Variants in KANK2 observed in about 807,000 individuals in gnomAD.
KANK2 encodes the protein KN motif and ankyrin repeat domains 2.
KANK2 carries 41 observed loss-of-function variants against 74.6 expected under a neutral mutation model. The ratio of observed to expected loss-of-function variants is 0.55; its 90% CI spans 0.43 to 0.71. The LOEUF is 0.71. KANK2 is among the 30% of genes least tolerant of loss of function. The pLI is 0.00. For synonymous variants in KANK2, 537 were observed against 519.0 expected, an observed-to-expected ratio of 1.03 and a Z score of -0.47; for missense variants, 1,148 against 1,196.4, an observed-to-expected ratio of 0.96 and a Z score of 0.60.
chr19:11,176,437 A>G, intron 7 of KANK2, 141 bp downstream of exon 7: 1 of 973,578 alleles, frequency 1.0e-6, no homozygotes, highest in Non-Finnish European at 1.5e-6. Context: ...GCCCAGAAGG[A>G]GCAAGTGCTC....
At chr19:11,186,257 G>A (rs2078672085) in intron 4 of KANK2, among the ~76,000 whole-genome samples, 2 of 151,344 alleles carry the variant, frequency 1.3e-5, no homozygotes, top group South Asian at 2.1e-4. Flanking sequence ...GTGTGGTGGC[G>A]GGTGCCTGTA....
intron 4 of KANK2, among the ~76,000 whole-genome samples, chr19:11,191,485 A>AGGCCACAG (rs2078843835): frequency 6.6e-6 from 1 of 152,210 alleles, no homozygotes; most frequent in Admixed American, 6.5e-5. Flanking sequence ...CCTCCCTCAA[A>AGGCCACAG]GGCCACAGGG....
intron 4 of KANK2, among the ~76,000 whole-genome samples, chr19:11,192,243 C>A (rs1343451580): frequency 2.0e-5 from 3 of 152,008 alleles, no homozygotes; most frequent in Non-Finnish European, 4.4e-5. Context: ...GGGGAACTTT[C>A]CCCCAAATAC....
At position 11,170,027 on chromosome 19, in the gene KANK2, T is replaced by G; in HGVS notation, c.2412+21A>C. The stretch of plus-strand genomic sequence containing the variant: ...TGCTGTGCTCCCGCCCTCCCCGGGG[T>G]GCACCTGGTTGGAGACTCACGCGAT... On this transcript the variant is annotated intron_variant, in intron 11 of 12. Transcript: ENST00000586659. This position sits in a 1 kb window ranked among gnomAD's most constrained non-coding sequence, Gnocchi z 5.2. 3 of 1,611,876 alleles carry G rather than the reference T, an allele frequency of 1.9e-6. No individual in the cohort carries two copies. The highest frequency in any genetic ancestry group is 2.5e-6 in the Non-Finnish European group (3 of 1,178,172).
At chr19:11,171,931 C>T (rs906079431) in intron 10 of KANK2, among the ~76,000 whole-genome samples, 2 of 151,316 alleles carry the variant, frequency 1.3e-5, no homozygotes, top group Non-Finnish European at 2.9e-5. Flanking sequence ...ACTTTGGCCT[C>T]CCAAAGTGCT....
intron 7 of KANK2, among the ~76,000 whole-genome samples, chr19:11,176,265 G>C (rs886645150): frequency 4.6e-5 from 7 of 152,128 alleles, no homozygotes; most frequent in African/African-American, 1.7e-4. Flanking sequence ...TTTTTCACCA[G>C]GGGAATAAAA....
chr19:11,170,083 C>A lies in KANK2; in HGVS notation c.2377G>T (p.Ala793Ser). Reference protein sequence around the residue: ...GHKEIAGLLLAVPSCDISLTD... With the variant: ...GHKEIAGLLLSVPSCDISLTD... ...AGTGAGATGTCACAGCTGGGCACGG[C>A]CAGCAGCAGCCCCGCGATCTCCTTG... Residue 793 changes from alanine (A) to serine (S), a missense_variant, in exon 11 of 13, where the codon GCC (alanine) becomes TCC (serine). Ala to Ser is a moderately conservative substitution (Grantham distance 99). Coordinates refer to ENST00000586659, the MANE Select transcript of KANK2 (RefSeq NM_001136191.3). This position sits in a 1 kb window ranked among gnomAD's most constrained non-coding sequence, Gnocchi z 5.2. 6.2e-7 allele frequency: 1 copy of A among 1,613,638 alleles called. No individual in the cohort carries two copies. Among genetic ancestry groups the A allele is most frequent in the Non-Finnish European group, 8.5e-7 (1 of 1,179,858 alleles).
chr19:11,183,030 T>C (rs1025186370), intron 4 of KANK2, among the ~76,000 whole-genome samples: 2 of 152,118 alleles, frequency 1.3e-5, no homozygotes, highest in African/African-American at 4.8e-5. Context: ...ATGATACTTA[T>C]TATTGTTATC....
rs1456653341 is a variant in KANK2 at position 11,192,864 on chromosome 19, T to C, written c.1216A>G (p.Ser406Gly). The change falls in exon 4 of 13, where the codon AGC becomes GGC. Residue 406 changes from serine (S) to glycine (G), a missense_variant. Transcript: ENST00000586659. The stretch of plus-strand genomic sequence containing the variant: ...CCATCGCAGCTTCGCTCTGTGATGC[T>C]AATCTTCTTCACCATATGGACGTTG... ...TSNVHMVKKISITERSCDGAA... is the reference protein window; with the variant it reads ...TSNVHMVKKIGITERSCDGAA... 1 of 1,600,304 alleles carries C rather than the reference T, an allele frequency of 6.2e-7. No homozygotes were observed. Among genetic ancestry groups the C allele is most frequent in the East Asian group, 2.3e-5 (1 of 42,560 alleles).
intron 2 of KANK2, 97 bp from the exon 3 acceptor site, chr19:11,194,687 C>G (rs939327758): frequency 1.4e-5 from 8 of 588,486 alleles, no homozygotes; most frequent in Non-Finnish European, 2.5e-5. Flanking sequence ...ACCCAGCCCC[C>G]CAACCCAGGT....
rs551493424 is a variant in KANK2 at position 11,185,302 on chromosome 19, A to C, written c.1250-6582T>G. On this transcript the variant is annotated intron_variant, in intron 4 of 12. Transcript: ENST00000586659. ...TGGGCTCAAGGAATCCTCCTGCCTC[A>C]GCCTCCCAAGTAGCTGGGACTACAG... Among the ~76,000 whole-genome samples the C allele has an allele frequency of 5.4e-4, 80 of 148,282 alleles. 4 individuals carry two copies. Among genetic ancestry groups the C allele is most frequent in the African/African-American group, 1.9e-3 (77 of 40,378 alleles).
At chr19:11,194,624 G>C (rs1320815978) in intron 2 of KANK2, 34 bp from the exon 3 acceptor site, 3 of 819,486 alleles carry the variant, frequency 3.7e-6, no homozygotes, top group African/African-American at 3.3e-5. Context: ...CGGGAGTTAG[G>C]AGTCTGTAGG....
chr19:11,172,185 C>A (rs539395483), intron 10 of KANK2, among the ~76,000 whole-genome samples: 7 of 138,704 alleles, frequency 5.0e-5, no homozygotes, highest in Non-Finnish European at 1.0e-4. Context: ...CCATGTTGGT[C>A]AGGCTGGTCT....
intron 3 of KANK2, among the ~76,000 whole-genome samples, 161 bp downstream of exon 3, chr19:11,194,314 C>G (rs541643808): frequency 6.6e-5 from 10 of 152,232 alleles, no homozygotes; most frequent in South Asian, 2.1e-4. Context: ...TCTGCCTCCC[C>G]CTTCAGACCC....
Position 11,178,381 on chromosome 19 carries a change from T to C in KANK2, c.1484A>G (p.His495Arg), listed in dbSNP as rs569255192. 6.5e-7 allele frequency: 1 copy of C among 1,539,714 alleles called. No individual in the cohort carries two copies. Among genetic ancestry groups the C allele is most frequent in the South Asian group, 1.3e-5 (1 of 79,450 alleles). The change falls in exon 6 of 13, where the codon CAC (histidine) becomes CGC (arginine). Residue 495 changes from histidine to arginine, a missense_variant. Transcript: ENST00000586659. ...RKEEVADPTA[H>R]RRSLQFVGVN... ...CCCCACGAACTGGAGGCTCCTCCGG[T>C]GGGCCGTGGGGTCTGCAACCTCCTC...
intron 4 of KANK2, among the ~76,000 whole-genome samples, chr19:11,179,428 G>C (rs2078446974): frequency 6.6e-6 from 1 of 151,598 alleles, no homozygotes; most frequent in Admixed American, 6.6e-5. Context: ...CACGAGGTCA[G>C]GAGTTCAAGA....
intron 4 of KANK2, among the ~76,000 whole-genome samples, chr19:11,187,919 C>T (rs753243282): frequency 1.9e-4 from 29 of 152,010 alleles, no homozygotes; most frequent in Non-Finnish European, 3.8e-4. Context: ...GAGACCTCAT[C>T]TGGCAACATA....
rs766098224 is a variant in KANK2, at chr19:11,193,264, T to C, written c.816A>G (p.Arg272=). ...LETRSVGTWV[R]ERDLGMPDGE... The stretch of plus-strand genomic sequence containing the variant: ...CATCAGGCATGCCCAAGTCCCGTTC[T>C]CGAACCCAGGTGCCCACACTCCGGG... Residue 272 remains arginine, a synonymous_variant, in exon 4 of 13, where the codon CGA becomes CGG. Coordinates refer to ENST00000586659, the MANE Select transcript of KANK2 (RefSeq NM_001136191.3). The surrounding 1 kb of genome is among the most constrained non-coding windows in gnomAD (Gnocchi z 9.6). The C allele has an allele frequency of 1.9e-6, 3 of 1,611,018 alleles. No homozygotes were observed. The highest frequency in any genetic ancestry group is 2.5e-6 in the Non-Finnish European group (3 of 1,179,790).
rs779017679 is a variant in KANK2, at chr19:11,178,795, CT to C, written c.1250-76del. 1,859 of 1,376,460 alleles carry C rather than the reference CT, an allele frequency of 1.4e-3. 2 individuals are homozygous for C. The highest frequency in any genetic ancestry group is 1.7e-3 in the Non-Finnish European group (1,723 of 1,037,686). 85.3% of individuals were successfully genotyped at this position (1,376,460 alleles called of 1,614,324 possible). ...ACCACAGCCCTGCGGGTCATACACC[CT>C]GGGCCAGGAGCTGTAACAGGGCTGA... On this transcript the variant is annotated intron_variant, in intron 4 of 12. Coordinates refer to ENST00000586659, the MANE Select transcript of KANK2 (RefSeq NM_001136191.3).
Sources: allele counts gnomAD v4.1 joint callset (sites outside exome capture counted in the v4.1 genomes callset), GRCh38; gene constraint gnomAD v4.1.1; non-coding constraint Gnocchi (gnomAD v3.1); transcripts MANE v1.5; gene names NCBI Gene and HGNC (gene_info 2026-07-23, HGNC 2026-07-21).